Variants in MAML3 observed in about 807,000 individuals in gnomAD.
MAML3 encodes the protein mastermind like transcriptional coactivator 3.
MAML3 carries 27 observed loss-of-function variants against 101.9 expected under a neutral mutation model. The observed-to-expected ratio is 0.27, with a 90% CI of 0.20 to 0.37. MAML3 has a LOEUF of 0.37. MAML3 is among the 10% of genes least tolerant of loss of function. The pLI is 1.00. For synonymous variants in MAML3, 501 were observed against 555.9 expected (o/e 0.90, Z 1.39); for missense variants, 1,316 against 1,444.9 (o/e 0.91, Z 1.45).
At chr4:139,743,660 C>T (rs1393024652) in intron 2 of MAML3, among the ~76,000 whole-genome samples, 6 of 152,136 alleles carry the variant, frequency 3.9e-5, no homozygotes, top group Admixed American at 6.5e-5. Flanking sequence ...GGATACCACA[C>T]GGGGAAAAGC....
chr4:139,796,174 G>A (rs1057469810), intron 2 of MAML3, among the ~76,000 whole-genome samples: 2 of 152,100 alleles, frequency 1.3e-5, no homozygotes, highest in African/African-American at 4.8e-5. Flanking sequence ...GATCAGATTC[G>A]TTATGCTTTA....
chr4:139,822,624 G>A (rs1407287046), intron 2 of MAML3, among the ~76,000 whole-genome samples: 26 of 152,134 alleles, frequency 1.7e-4, no homozygotes, highest in Admixed American at 1.7e-3. Flanking sequence ...TCCTTTGAGT[G>A]ACCACAAACA....
intron 1 of MAML3, among the ~76,000 whole-genome samples, chr4:139,975,959 G>A (rs1201414706): frequency 6.6e-6 from 1 of 152,176 alleles, no homozygotes; most frequent in Non-Finnish European, 1.5e-5. Flanking sequence ...AACTGAAAAT[G>A]TACTGAAAAT....
intron 1 of MAML3, among the ~76,000 whole-genome samples, chr4:140,130,385 T>C (rs1440859544): frequency 6.6e-6 from 1 of 152,226 alleles, no homozygotes; most frequent in Non-Finnish European, 1.5e-5. Context: ...CTAAAAGAAG[T>C]TCAACTAAAA....
At chr4:139,821,481 C>T (rs1371141384) in intron 2 of MAML3, among the ~76,000 whole-genome samples, 7 of 152,154 alleles carry the variant, frequency 4.6e-5, no homozygotes, top group Admixed American at 4.6e-4. Flanking sequence ...AACCATCCCC[C>T]CGGCCGACCC....
chr4:140,135,730 C>A (rs945961993), intron 1 of MAML3, among the ~76,000 whole-genome samples: 2 of 152,226 alleles, frequency 1.3e-5, no homozygotes, highest in South Asian at 4.1e-4. Context: ...TGCCATGGCA[C>A]CATATGCTCC....
chr4:139,986,795 A>G (rs1227331788), intron 1 of MAML3, among the ~76,000 whole-genome samples: 1 of 152,182 alleles, frequency 6.6e-6, no homozygotes, highest in Non-Finnish European at 1.5e-5. Context: ...CAGTAAATAC[A>G]CAGTAAATTG....
chr4:139,941,015 C>T (rs911024619), intron 1 of MAML3, among the ~76,000 whole-genome samples: 5 of 152,138 alleles, frequency 3.3e-5, no homozygotes, highest in African/African-American at 7.2e-5. Context: ...CATTTGTGTT[C>T]GTTCAATTTA....
intron 1 of MAML3, among the ~76,000 whole-genome samples, chr4:140,084,197 G>A (rs1035589811): frequency 1.4e-4 from 22 of 152,192 alleles, no homozygotes; most frequent in Middle Eastern, 3.4e-3. Flanking sequence ...TTTATCAAAC[G>A]CTTTCTGAAA....
intron 2 of MAML3, among the ~76,000 whole-genome samples, chr4:139,837,352 G>A (rs1731273439): frequency 6.6e-6 from 1 of 151,746 alleles, no homozygotes; most frequent in Admixed American, 6.6e-5. Flanking sequence ...AAAAAAATTA[G>A]CTGGGCCTGG....
intron 1 of MAML3, among the ~76,000 whole-genome samples, chr4:140,102,082 G>A (rs1023531517): frequency 1.3e-5 from 2 of 152,084 alleles, no homozygotes; most frequent in East Asian, 3.9e-4. Flanking sequence ...GTGTTGTTTT[G>A]TTTTAATGCT....
chr4:140,105,950 C>A lies in MAML3; in HGVS notation c.468+46910G>T, dbSNP rs181173820. ...CAAATTCAAAAGATGTGAAATGAGC[C>A]AGCCTGGTTTTTCTACCTCAATGAC... On this transcript the variant is annotated intron_variant, in intron 1 of 4. Transcript: ENST00000509479. Among the ~76,000 whole-genome samples, 8 of 152,038 alleles carry A rather than the reference C, an allele frequency of 5.3e-5. No individual in the cohort carries two copies. The East Asian group carries it at 1.5e-3, about 29-fold the overall frequency.
At chr4:139,794,941 C>T (rs138402556) in intron 2 of MAML3, among the ~76,000 whole-genome samples, 73 of 152,300 alleles carry the variant, frequency 4.8e-4, no homozygotes, top group African/African-American at 1.7e-3. Context: ...CACCTAGAAA[C>T]TCCCAAATAG....
At chr4:140,015,825 C>T (rs553973217) in intron 1 of MAML3, among the ~76,000 whole-genome samples, 9 of 152,252 alleles carry the variant, frequency 5.9e-5, no homozygotes, top group Non-Finnish European at 8.8e-5. Context: ...TGGTGGCACA[C>T]GCTTGTAATC....
intron 1 of MAML3, among the ~76,000 whole-genome samples, chr4:139,979,144 G>C (rs1351621918): frequency 6.6e-6 from 1 of 152,182 alleles, no homozygotes; most frequent in Non-Finnish European, 1.5e-5. Context: ...TGCAAGGAAA[G>C]TATTAGTTTT....
At chr4:140,051,798 G>A (rs1378953188) in intron 1 of MAML3, among the ~76,000 whole-genome samples, 1 of 152,112 alleles carries the variant, frequency 6.6e-6, no homozygotes, top group Non-Finnish European at 1.5e-5. Context: ...TTTTCCCACT[G>A]AGAAACAGAG....
intron 2 of MAML3, among the ~76,000 whole-genome samples, chr4:139,805,849 C>T (rs749536048): frequency 9.2e-5 from 14 of 151,862 alleles, no homozygotes; most frequent in South Asian, 4.2e-4. Context: ...GAATACTATG[C>T]GAGCGGTGGA....
chr4:139,857,118 A>G (rs1257514692), intron 2 of MAML3, among the ~76,000 whole-genome samples: 1 of 152,234 alleles, frequency 6.6e-6, no homozygotes, highest in African/African-American at 2.4e-5. Flanking sequence ...CACCAACAAG[A>G]AAGAGGAGTG....
At chr4:139,893,912 G>T (rs531883595) in intron 1 of MAML3, among the ~76,000 whole-genome samples, 1 of 152,218 alleles carries the variant, frequency 6.6e-6, no homozygotes, top group South Asian at 2.1e-4. Flanking sequence ...AACTGGGAGG[G>T]GTTAGAAGGG....
Sources: allele counts gnomAD v4.1 joint callset (sites outside exome capture counted in the v4.1 genomes callset), GRCh38; gene constraint gnomAD v4.1.1; transcripts MANE v1.5; gene names NCBI Gene and HGNC (gene_info 2026-07-23, HGNC 2026-07-21).